RP1: variants seen among roughly 807,000 people sequenced by gnomAD.
The protein encoded by RP1 is oxygen-regulated protein 1.
RP1 carries 16 observed loss-of-function variants against 14.8 expected under a neutral mutation model. The ratio of observed to expected loss-of-function variants is 1.08; its 90% confidence interval spans 0.73 to 1.65. The LOEUF (loss-of-function observed/expected upper bound fraction) is 1.65. RP1 is among the 40% of genes most tolerant of loss of function. The pLI is 0.00. For missense variants in RP1, 2,631 were observed against 2,535.0 expected, an observed-to-expected ratio of 1.04 and a Z score of -0.81; for synonymous variants, 876 against 883.6, an observed-to-expected ratio of 0.99 and a Z score of 0.15.
At position 54,629,026 on chromosome 8, in the gene RP1, G is replaced by T. The variant is rs761988191; in HGVS notation, c.5144G>T (p.Arg1715Met). Residue 1715 changes from arginine (R) to methionine (M), a missense_variant, in exon 4 of 4, where the codon AGG becomes ATG. By Grantham distance (91) the Arg-to-Met change is moderately conservative. Coordinates refer to ENST00000220676, the MANE Select transcript of RP1 (RefSeq NM_006269.2). ...AGTGCTGTGAGGGACAATTATTGTA[G>T]GGGTGACATTGTAGAACCTGGTACA... ...DVSAVRDNYC[R>M]GDIVEPGTKQ... 1.2e-6 allele frequency: 2 copies of T among 1,614,076 alleles called. No individual in the cohort carries two copies. Among genetic ancestry groups the T allele is most frequent in the Non-Finnish European group, 1.7e-6 (2 of 1,179,966 alleles).
intron 24 of RP1, among the ~76,000 whole-genome samples, chr8:54,827,723 C>G (rs1448226643): frequency 6.6e-6 from 1 of 152,022 alleles, no homozygotes; most frequent in African/African-American, 2.4e-5. Context: ...CACGGTGAAA[C>G]CCTGTCTCTA....
intron 19 of RP1, among the ~76,000 whole-genome samples, chr8:54,750,198 T>C (rs1809323020): frequency 6.6e-6 from 1 of 152,166 alleles, no homozygotes; most frequent in African/African-American, 2.4e-5. Context: ...AATTCTGATC[T>C]CCAATCTCTG....
chr8:54,593,136 T>C (rs1389431875), intron 1 of RP1, among the ~76,000 whole-genome samples: 1 of 152,182 alleles, frequency 6.6e-6, no homozygotes, highest in Non-Finnish European at 1.5e-5. Context: ...GCAGGGGCTC[T>C]GATTTATTCA....
At chr8:54,769,447 C>T (rs1157449292) in intron 22 of RP1, among the ~76,000 whole-genome samples, 8 of 152,002 alleles carry the variant, frequency 5.3e-5, no homozygotes, top group Admixed American at 5.2e-4. Flanking sequence ...GTTGCTTTTA[C>T]AGGTGATAGT....
chr8:54,856,077 A>G (rs1396473293), intron 26 of RP1, among the ~76,000 whole-genome samples: 1 of 152,192 alleles, frequency 6.6e-6, no homozygotes, highest in African/African-American at 2.4e-5. Context: ...ATGTTTGTCT[A>G]CAAATAGTAG....
intron 18 of RP1, among the ~76,000 whole-genome samples, chr8:54,736,470 A>G (rs1407178749): frequency 6.6e-6 from 1 of 152,110 alleles, no homozygotes; most frequent in Non-Finnish European, 1.5e-5. Flanking sequence ...GGGTAATAAT[A>G]CTCACTTAAA....
At chr8:54,685,484 T>G (rs972391285) in intron 12 of RP1, among the ~76,000 whole-genome samples, 5 of 152,200 alleles carry the variant, frequency 3.3e-5, no homozygotes, top group African/African-American at 1.2e-4. Flanking sequence ...TTCTTAATTT[T>G]GAGTTCTAAT....
At chr8:54,792,923 A>T (rs1030011236) in intron 24 of RP1, among the ~76,000 whole-genome samples, 1 of 151,890 alleles carries the variant, frequency 6.6e-6, no homozygotes, top group African/African-American at 2.4e-5. Flanking sequence ...TGGAAAAGAT[A>T]AACTTAAGCC....
chr8:54,756,194 A>G (rs1305965855), intron 21 of RP1, among the ~76,000 whole-genome samples: 1 of 152,210 alleles, frequency 6.6e-6, no homozygotes, highest in Non-Finnish European at 1.5e-5. Flanking sequence ...AATGGGGCCA[A>G]CTGTGTTATT....
At chr8:54,663,242 C>G (rs1806940067) in intron 6 of RP1, among the ~76,000 whole-genome samples, 1 of 152,010 alleles carries the variant, frequency 6.6e-6, no homozygotes, top group Non-Finnish European at 1.5e-5. Context: ...TTCAAGCAAC[C>G]CTTATTTTAC....
At chr8:54,784,952 A>G (rs1444252951) in intron 24 of RP1, among the ~76,000 whole-genome samples, 1 of 151,860 alleles carries the variant, frequency 6.6e-6, no homozygotes, top group Non-Finnish European at 1.5e-5. Flanking sequence ...TTTCTTTTTA[A>G]TTGACACATA....
chr8:54,592,707 C>T (rs1227529212), intron 1 of RP1, among the ~76,000 whole-genome samples: 1 of 152,072 alleles, frequency 6.6e-6, no homozygotes, highest in Non-Finnish European at 1.5e-5. Context: ...CTAAATTAGT[C>T]CAGTTGCTCA....
chr8:54,630,679 TA>T lies in RP1; in HGVS notation c.*332del. 9.0e-7 allele frequency: 1 copy of T among 1,108,332 alleles called. No homozygotes were observed. The highest frequency in any genetic ancestry group is 1.1e-6 in the Non-Finnish European group (1 of 906,960). The allele number at this position is 1,108,332 out of a possible 1,614,324, so 68.7% of individuals were successfully genotyped here. On this transcript the variant is annotated 3_prime_UTR_variant, in exon 4 of 4. Transcript: ENST00000220676. ...CTAAGGACAAGAATTATATCCTTTT[TA>T]AAAAATGTTGTTAGCTTGGTGTAAA...
At chr8:54,688,405 A>G (rs887467224) in intron 12 of RP1, among the ~76,000 whole-genome samples, 1 of 151,978 alleles carries the variant, frequency 6.6e-6, no homozygotes, top group Non-Finnish European at 1.5e-5. Flanking sequence ...TGTCCTGAAT[A>G]GTATTGCCTA....
At chr8:54,736,543 A>G (rs1312954682) in intron 18 of RP1, among the ~76,000 whole-genome samples, 2 of 152,198 alleles carry the variant, frequency 1.3e-5, no homozygotes, top group African/African-American at 4.8e-5. Flanking sequence ...CACCTGGTAG[A>G]TGGGAAGTGC....
Position 54,629,185 on chromosome 8 carries a change from A to T in RP1, c.5303A>T (p.Asp1768Val), listed in dbSNP as rs1476337533. 6.2e-7 allele frequency: 1 copy of T among 1,614,128 alleles called. No individual in the cohort carries two copies. The highest frequency in any genetic ancestry group is 1.3e-5 in the African/African-American group (1 of 75,046). Residue 1768 changes from aspartate to valine, a missense_variant, in exon 4 of 4, where the codon GAC becomes GTC. Transcript: ENST00000220676. ...AATCCTGGCATGTGTGGCAATGCAG[A>T]CACCACATCAGTGGACACCCTACTT... is the stretch of plus-strand genomic sequence containing the variant. ...SENPGMCGNA[D>V]TTSVDTLLDN...
At chr8:54,737,808 T>C (rs1293366731) in intron 18 of RP1, among the ~76,000 whole-genome samples, 1 of 152,182 alleles carries the variant, frequency 6.6e-6, no homozygotes, top group African/African-American at 2.4e-5. Context: ...TTCTGGGTGA[T>C]TTGACTGTCC....
intron 17 of RP1, among the ~76,000 whole-genome samples, chr8:54,729,437 A>C (rs1330543908): frequency 6.6e-6 from 1 of 152,218 alleles, no homozygotes; most frequent in Non-Finnish European, 1.5e-5. Flanking sequence ...GGGCAGAAAA[A>C]AAATCTATTA....
chr8:54,793,976 T>A (rs1270149978), intron 24 of RP1, among the ~76,000 whole-genome samples: 1 of 151,918 alleles, frequency 6.6e-6, no homozygotes, highest in Admixed American at 6.6e-5. Context: ...AGTTGCAAGC[T>A]ACAAAATCAA....
Sources: allele counts gnomAD v4.1 joint callset (sites outside exome capture counted in the v4.1 genomes callset), GRCh38; gene constraint gnomAD v4.1.1; transcripts MANE v1.5; gene names NCBI Gene and HGNC (gene_info 2026-07-23, HGNC 2026-07-21).